Variants in LIX1 observed in about 807,000 individuals in gnomAD.
The protein encoded by LIX1 is protein limb expression 1 homolog.
A neutral mutation model predicts 33.4 loss-of-function variants in LIX1; 24 were observed. The observed-to-expected ratio is 0.72, with a 90% CI of 0.52 to 1.01. The LOEUF (loss-of-function observed/expected upper bound fraction) is 1.01. LIX1 is among the 50% of genes least tolerant of loss of function. LIX1 has a pLI of 0.00. For synonymous variants in LIX1, 124 were observed against 124.0 expected (o/e 1.00, Z 0.00); for missense variants, 311 against 339.2 (o/e 0.92, Z 0.65).
chr5:97,103,193 A>G (rs1366196866), intron 4 of LIX1: 9 of 399,062 alleles, frequency 2.3e-5, no homozygotes, highest in Non-Finnish European at 4.3e-5. Context: ...TTATGAAAAA[A>G]AAAGGACCTT....
intron 2 of LIX1, among the ~76,000 whole-genome samples, chr5:97,119,050 T>C (rs1344942176): frequency 2.6e-5 from 4 of 152,220 alleles, no homozygotes; most frequent in Non-Finnish European, 5.9e-5. Context: ...GTCTGAATAC[T>C]ACTTTCCTAA....
chr5:97,130,540 A>G (rs910355262), intron 1 of LIX1, among the ~76,000 whole-genome samples: 3 of 152,184 alleles, frequency 2.0e-5, no homozygotes, highest in Admixed American at 2.0e-4. Context: ...GCTGACACTG[A>G]ATTAAGGATG....
At chr5:97,137,170 G>A (rs1748190404) in intron 1 of LIX1, 1 of 436,584 alleles carries the variant, frequency 2.3e-6, no homozygotes, top group South Asian at 1.7e-5. Flanking sequence ...TGTTAAAATT[G>A]AGTTCAGACT....
chr5:97,092,251 G>T lies in LIX1; in HGVS notation c.*2497C>A, dbSNP rs1217517758. 6.6e-6 allele frequency: 1 copy of T among 152,322 alleles called. No homozygotes were observed. The highest frequency in any genetic ancestry group is 2.4e-5 in the African/African-American group (1 of 41,432). The allele number at this position is 152,322 out of a possible 1,614,324, so 9.4% of individuals were successfully genotyped here. A position where few individuals can be genotyped will look rare whatever the true frequency, so the allele number is the denominator to read the frequency against. ...TGTATGTTTTGTTCTATTTTCCTAG[G>T]AGATGATCCACAGCTTTTATCAGAT... On this transcript the variant is annotated 3_prime_UTR_variant, in exon 6 of 6. Coordinates refer to ENST00000274382, the MANE Select transcript of LIX1 (RefSeq NM_153234.5).
intron 1 of LIX1, chr5:97,137,198 A>G (rs2112800294): frequency 2.4e-6 from 1 of 413,480 alleles, no homozygotes; most frequent in African/African-American, 2.1e-5. Context: ...CTTAACTGTT[A>G]AAAACAACAG....
At chr5:97,106,655 A>G (rs1236276792) in intron 3 of LIX1, among the ~76,000 whole-genome samples, 1 of 152,188 alleles carries the variant, frequency 6.6e-6, no homozygotes, top group African/African-American at 2.4e-5. Flanking sequence ...TTTGGAAGCA[A>G]TGGGAGTTGG....
At position 97,093,755 on chromosome 5, in the gene LIX1, T is replaced by A. The variant is rs1341451767; in HGVS notation, c.*993A>T. ...GAAGATTCCAGTGACTTAAACTTAA[T>A]AATGATACTACATTTGAGCTACTGG... On this transcript the variant is annotated 3_prime_UTR_variant, in exon 6 of 6. Transcript: ENST00000274382. 1.3e-5 allele frequency: 2 copies of A among 152,302 alleles called. No homozygotes were observed. The highest frequency in any genetic ancestry group is 4.8e-5 in the African/African-American group (2 of 41,416). The allele number at this position is 152,302 out of a possible 1,614,324, so 9.4% of individuals were successfully genotyped here.
chr5:97,126,637 CT>C (rs1016872695), intron 1 of LIX1, among the ~76,000 whole-genome samples: 1,785 of 123,628 alleles, frequency 0.014, 13 homozygotes, highest in African/African-American at 0.035. Context: ...TATTTTCTTT[CT>C]TTTTTTTTTT....
At chr5:97,107,523 G>A (rs866170302) in intron 2 of LIX1, 23 bp from the exon 3 acceptor site, 2 of 1,613,040 alleles carry the variant, frequency 1.2e-6, no homozygotes, top group Middle Eastern at 3.3e-4. Context: ...GGGAGAAAAG[G>A]AGTCATTTGA....
intron 1 of LIX1, among the ~76,000 whole-genome samples, chr5:97,133,528 C>T (rs184929837): frequency 4.6e-5 from 7 of 152,306 alleles, no homozygotes; most frequent in African/African-American, 1.4e-4. Context: ...GTTTTGGAAA[C>T]TAAGTCATTA....
chr5:97,105,581 G>A (rs555329604), intron 3 of LIX1, among the ~76,000 whole-genome samples: 11 of 152,312 alleles, frequency 7.2e-5, no homozygotes, highest in South Asian at 4.1e-4. Flanking sequence ...GCTGAGCTCC[G>A]AAACTGCCTT....
chr5:97,136,417 AC>A (rs1300454030), intron 1 of LIX1, among the ~76,000 whole-genome samples: 10 of 152,146 alleles, frequency 6.6e-5, no homozygotes, highest in African/African-American at 2.4e-4. Flanking sequence ...GCAGAATCTT[AC>A]CCCCTTCATG....
chr5:97,128,779 C>T (rs2112793090), intron 1 of LIX1, among the ~76,000 whole-genome samples: 1 of 152,300 alleles, frequency 6.6e-6, no homozygotes, highest in Admixed American at 6.5e-5. Flanking sequence ...TTGTCAGTTT[C>T]ATATCCTGAT....
At chr5:97,106,303 C>G (rs1287799558) in intron 3 of LIX1, among the ~76,000 whole-genome samples, 2 of 152,212 alleles carry the variant, frequency 1.3e-5, no homozygotes, top group Non-Finnish European at 2.9e-5. Flanking sequence ...CATCCTCAGA[C>G]CAGATATAGA....
chr5:97,094,581 G>T lies in LIX1; in HGVS notation c.*167C>A, dbSNP rs933999912. On this transcript the variant is annotated 3_prime_UTR_variant, in exon 6 of 6. Coordinates refer to ENST00000274382, the MANE Select transcript of LIX1 (RefSeq NM_153234.5). ...TGCATCGAGTGGCTTGTTGGGTCTT[G>T]TAAGGGTCCTACGACTCTCATACTC... The T allele has an allele frequency of 3.2e-6, 2 of 616,200 alleles. No individual in the cohort carries two copies. Among genetic ancestry groups the T allele is most frequent in the East Asian group, 2.8e-5 (1 of 36,252 alleles). The allele number at this position is 616,200 out of a possible 1,614,324, so 38.2% of individuals were successfully genotyped here.
intron 3 of LIX1, among the ~76,000 whole-genome samples, chr5:97,106,502 G>A (rs530630271): frequency 6.6e-6 from 1 of 152,356 alleles, no homozygotes; most frequent in South Asian, 2.1e-4. Context: ...AACAGAGAAG[G>A]AAATCTCAGG....
chr5:97,096,408 C>T (rs893282075), intron 5 of LIX1, among the ~76,000 whole-genome samples: 1 of 152,140 alleles, frequency 6.6e-6, no homozygotes, highest in African/African-American at 2.4e-5. Flanking sequence ...CTCCTACCAC[C>T]AACTTGGCCA....
At chr5:97,103,971 G>GAAAAAAAAAAAAAAAAAAAAA (rs36039071) in intron 4 of LIX1, among the ~76,000 whole-genome samples, 3 of 107,404 alleles carry the variant, frequency 2.8e-5, no homozygotes, top group Non-Finnish European at 4.2e-5. Context: ...TCTCAAAAAA[G>GAAAAAAAAAAAAAAAAAAAAA]AAAAAAAAAA....
chr5:97,113,419 G>A (rs1747514907), intron 2 of LIX1, among the ~76,000 whole-genome samples: 1 of 152,208 alleles, frequency 6.6e-6, no homozygotes, highest in African/African-American at 2.4e-5. Context: ...GCTCACCACA[G>A]GTAATTAAGA....
Sources: gnomAD v4.1 joint callset for allele counts (sites outside exome capture counted in the v4.1 genomes callset) on GRCh38, gnomAD v4.1.1 for gene constraint, MANE v1.5 for transcripts, NCBI Gene and HGNC (gene_info 2026-07-23, HGNC 2026-07-21) for gene names.